Variants in RBMS1 observed in about 807,000 individuals in gnomAD.
The protein encoded by RBMS1 is RNA-binding motif, single-stranded-interacting protein 1.
In RBMS1, 17 loss-of-function variants were observed where a neutral mutation model predicts 62.3. The observed-to-expected ratio is 0.27, with a 90% CI of 0.19 to 0.41. RBMS1 has a LOEUF of 0.41. RBMS1 is among the 10% of genes least tolerant of loss of function. The pLI is 1.00. For missense variants in RBMS1, 334 were observed against 504.5 expected (o/e 0.66, Z 3.24); for synonymous variants, 172 against 170.0 (o/e 1.01, Z -0.09).
chr2:160,311,258 A>ATATATATATATATG (rs1689896877), intron 4 of RBMS1, among the ~76,000 whole-genome samples: 2 of 138,998 alleles, frequency 1.4e-5, no homozygotes, highest in African/African-American at 5.1e-5. Flanking sequence ...ATATATATAT[A>ATATATATATATATG]GTCTGTTTAT....
chr2:160,324,509 CAATGGGTGTGTTTAAAACAACAGT>C, intron 2 of RBMS1, among the ~76,000 whole-genome samples: 1 of 151,648 alleles, frequency 6.6e-6, no homozygotes, highest in Non-Finnish European at 1.5e-5. Flanking sequence ...CCTGAAAACA[CAATGGGTGTGTTTAAAACAACAGT>C]AAAAAAAAAA....
chr2:160,290,606 G>C (rs1208052510), intron 6 of RBMS1, among the ~76,000 whole-genome samples: 1 of 152,128 alleles, frequency 6.6e-6, no homozygotes, highest in African/African-American at 2.4e-5. Context: ...TTTTGGGTTT[G>C]TAAAGGGATT....
At chr2:160,373,345 A>G (rs1358157667) in intron 1 of RBMS1, among the ~76,000 whole-genome samples, 1 of 152,244 alleles carries the variant, frequency 6.6e-6, no homozygotes, top group African/African-American at 2.4e-5. Flanking sequence ...TGCTTCAGAT[A>G]AAAGAATTAA....
At chr2:160,284,264 C>G (rs1688249813) in intron 9 of RBMS1, 1 of 154,968 alleles carries the variant, frequency 6.5e-6, no homozygotes, top group African/African-American at 2.4e-5. Context: ...CTCACTTAAC[C>G]TAAACAGGAA....
intron 1 of RBMS1, among the ~76,000 whole-genome samples, chr2:160,458,004 G>A (rs1684315359): frequency 6.6e-6 from 1 of 151,884 alleles, no homozygotes; most frequent in South Asian, 2.1e-4. Flanking sequence ...GTGTCTCACT[G>A]TGTCACCCTG....
chr2:160,450,564 G>GAAAAAA (rs1181640365), intron 1 of RBMS1, among the ~76,000 whole-genome samples: 20 of 56,550 alleles, frequency 3.5e-4, no homozygotes, highest in East Asian at 1.7e-3. Context: ...AATAAAAAAT[G>GAAAAAA]AAAAAAAAAA....
chr2:160,377,648 T>C (rs1694070742), intron 1 of RBMS1, among the ~76,000 whole-genome samples: 1 of 152,034 alleles, frequency 6.6e-6, no homozygotes, highest in South Asian at 2.1e-4. Context: ...CTGGGAGGGG[T>C]ATGAGGGATC....
intron 2 of RBMS1, among the ~76,000 whole-genome samples, chr2:160,363,118 A>C (rs969737906): frequency 6.6e-6 from 1 of 152,206 alleles, no homozygotes; most frequent in African/African-American, 2.4e-5. Context: ...ATTTTTGATA[A>C]TAGCGTTATT....
chr2:160,336,040 G>A (rs1246092746), intron 2 of RBMS1, among the ~76,000 whole-genome samples: 4 of 152,120 alleles, frequency 2.6e-5, no homozygotes, highest in Non-Finnish European at 5.9e-5. Context: ...ATGTTAGGGT[G>A]TGAAATTTAG....
chr2:160,406,963 TTC>T, intron 1 of RBMS1, among the ~76,000 whole-genome samples: 1 of 152,204 alleles, frequency 6.6e-6, no homozygotes, highest in Middle Eastern at 3.4e-3. Flanking sequence ...AAGTTCCTGT[TTC>T]TTTCTCTTTT....
rs1245492044 is a variant in RBMS1, at chr2:160,274,454, CTTTTCTTTTTTTTTTTCT to C, written c.*300_*317del. On this transcript the variant is annotated 3_prime_UTR_variant, in exon 14 of 14. Transcript: ENST00000348849. ...TGCATACCCAGAAAATTGAAGTTTT[CTTTTCTTTTTTTTTTTCT>C]TTTTCTTTTTTTGCATCATAACATT... 2.1e-5 allele frequency: 3 copies of C among 144,240 alleles called. No individual in the cohort carries two copies. Among genetic ancestry groups the C allele is most frequent in the South Asian group, 2.3e-4 (1 of 4,442 alleles). The allele number at this position is 144,240 out of a possible 1,614,324, so 8.9% of individuals were successfully genotyped here. A position where few individuals can be genotyped will look rare whatever the true frequency, so the allele number is the denominator to read the frequency against.
intron 3 of RBMS1, among the ~76,000 whole-genome samples, chr2:160,314,964 G>A (rs1235321011): frequency 6.6e-6 from 1 of 152,146 alleles, no homozygotes; most frequent in Non-Finnish European, 1.5e-5. Context: ...GGTCATAAAT[G>A]AGAACCCAGC....
chr2:160,313,997 G>C (rs1690074682), intron 3 of RBMS1, among the ~76,000 whole-genome samples: 1 of 152,096 alleles, frequency 6.6e-6, no homozygotes, highest in Non-Finnish European at 1.5e-5. Flanking sequence ...TTAATGAGCT[G>C]GTCATCTGTC....
intron 2 of RBMS1, among the ~76,000 whole-genome samples, chr2:160,324,874 G>A (rs1040135935): frequency 3.1e-4 from 15 of 47,956 alleles, no homozygotes; most frequent in Non-Finnish European, 5.5e-4. Flanking sequence ...AGATGTGTGT[G>A]TGTGTGTGTA....
At chr2:160,488,531 G>A (rs192750674) in intron 1 of RBMS1, among the ~76,000 whole-genome samples, 10 of 152,188 alleles carry the variant, frequency 6.6e-5, no homozygotes, top group East Asian at 3.9e-4. Flanking sequence ...AGCCGAGATC[G>A]TGCCACCACA....
intron 6 of RBMS1, among the ~76,000 whole-genome samples, chr2:160,290,952 C>T (rs1027441932): frequency 6.6e-6 from 1 of 151,946 alleles, no homozygotes; most frequent in Non-Finnish European, 1.5e-5. Flanking sequence ...CCATCTCCAC[C>T]GAGTATTTTC....
intron 6 of RBMS1, among the ~76,000 whole-genome samples, chr2:160,296,945 T>C (rs1028178665): frequency 6.6e-6 from 1 of 152,202 alleles, no homozygotes; most frequent in African/African-American, 2.4e-5. Context: ...CTTCTTGATA[T>C]GGTGAACCCA....
At chr2:160,417,259 C>T (rs1016595393) in intron 1 of RBMS1, among the ~76,000 whole-genome samples, 2 of 152,100 alleles carry the variant, frequency 1.3e-5, no homozygotes, top group Admixed American at 1.3e-4. Context: ...TGTAGTGATG[C>T]AGTAATCAAA....
At chr2:160,408,602 ATCCT>A (rs1335836230) in intron 1 of RBMS1, 2 of 152,168 alleles carry the variant, frequency 1.3e-5, no homozygotes, top group African/African-American at 2.4e-5. Flanking sequence ...GAACAGTGTA[ATCCT>A]TCCTTATGTT....
Sources: gnomAD v4.1 joint callset for allele counts (sites outside exome capture counted in the v4.1 genomes callset) on GRCh38, gnomAD v4.1.1 for gene constraint, MANE v1.5 for transcripts, NCBI Gene and HGNC (gene_info 2026-07-23, HGNC 2026-07-21) for gene names.